Variants in BRD2 observed in about 807,000 individuals in gnomAD.
The protein encoded by BRD2 is bromodomain-containing protein 2.
BRD2 carries 15 observed loss-of-function variants against 79.1 expected under a neutral mutation model. That is an observed-to-expected ratio of 0.19 (90% CI 0.13 to 0.29). The LOEUF (loss-of-function observed/expected upper bound fraction) is 0.29. BRD2 is among the 10% of genes least tolerant of loss of function. BRD2 has a pLI of 1.00. For missense variants in BRD2, 1,053 were observed against 991.3 expected (o/e 1.06, Z -0.84); for synonymous variants, 488 against 358.6 (o/e 1.36, Z -4.08).
Position 32,976,078 on chromosome 6 carries a change from C to T in BRD2, c.519C>T (p.Phe173=), listed in dbSNP as rs1304344584. Residue 173 remains phenylalanine (F), a synonymous_variant, in exon 5 of 13, where the codon TTC becomes TTT. Coordinates refer to ENST00000374825, the MANE Select transcript of BRD2 (RefSeq NM_005104.4). ...TGGCACAAACGCTGGAAAAGATATT[C>T]CTACAGAAGGTTGCATCAATGCCAC... ...VLMAQTLEKI[F]LQKVASMPQE... 3 of 1,612,764 alleles carry T rather than the reference C, an allele frequency of 1.9e-6. No individual in the cohort carries two copies. Among genetic ancestry groups the T allele is most frequent in the Admixed American group, 1.7e-5 (1 of 59,968 alleles).
chr6:32,976,519 T>G, intron 6 of BRD2, 43 bp from the exon 7 acceptor site: 1 of 1,596,784 alleles, frequency 6.3e-7, no homozygotes, highest in African/African-American at 1.3e-5. Flanking sequence ...TTAAGTAAAG[T>G]GGGCTTGGAG....
chr6:32,973,790 T>A (rs1778350463), intron 2 of BRD2, among the ~76,000 whole-genome samples: 1 of 152,036 alleles, frequency 6.6e-6, no homozygotes, highest in Non-Finnish European at 1.5e-5. Flanking sequence ...GTGAGGAGAC[T>A]CTGATTTGGT....
chr6:32,979,043 T>TTTTG (rs140282251), intron 10 of BRD2: 7,263 of 77,460 alleles, frequency 0.094, 281 homozygotes, highest in Middle Eastern at 0.16. Context: ...TGGTTTTGTG[T>TTTTG]TTTGTTTTTT....
At chr6:32,975,600 A>T (rs1778634722) in intron 4 of BRD2, 79 bp downstream of exon 4, 1 of 1,553,784 alleles carries the variant, frequency 6.4e-7, no homozygotes. Flanking sequence ...TGTCTACATA[A>T]AGTTTAAATC....
Position 32,974,702 on chromosome 6 carries a change from G to A in BRD2, c.270G>A (p.Leu90=). The A allele has an allele frequency of 6.2e-7, 1 of 1,614,214 alleles. No homozygotes were observed. The highest frequency in any genetic ancestry group is 8.5e-7 in the Non-Finnish European group (1 of 1,180,042). Residue 90 remains leucine, a synonymous_variant, in exon 3 of 13, where the codon CTG becomes CTA. Coordinates refer to ENST00000374825, the MANE Select transcript of BRD2 (RefSeq NM_005104.4). The part of the protein sequence containing the change: ...QYLHKVVMKA[L]WKHQFAWPFR... ...TACACAAGGTAGTGATGAAGGCTCT[G>A]TGGAAACATCAGTTCGCATGGCCAT...
Position 32,980,328 on chromosome 6 carries a change from ATTTC to A in BRD2, c.2147-9_2147-6del. ...GGGCAATCTTAATGTATCCTGATAA[ATTTC>A]TTTCATTAGCCATTAAGAAGCCTGT... On this transcript the variant is annotated splice_polypyrimidine_tract_variant and intron_variant, in intron 11 of 12. Coordinates refer to ENST00000374825, the MANE Select transcript of BRD2 (RefSeq NM_005104.4). 6.2e-7 allele frequency: 1 copy of A among 1,612,356 alleles called. No individual in the cohort carries two copies. Among genetic ancestry groups the A allele is most frequent in the Non-Finnish European group, 8.5e-7 (1 of 1,179,886 alleles).
intron 11 of BRD2, 73 bp downstream of exon 11, chr6:32,980,205 C>T: frequency 1.3e-6 from 2 of 1,572,344 alleles, no homozygotes; most frequent in Admixed American, 1.8e-5. Context: ...TGTTTGCATT[C>T]AGGATTGTCA....
chr6:32,979,563 G>A (rs1351377122), intron 10 of BRD2: 1 of 455,772 alleles, frequency 2.2e-6, no homozygotes, highest in Admixed American at 3.9e-5. Flanking sequence ...CAACATGTTT[G>A]TGTGTCACAT....
Position 32,975,283 on chromosome 6 carries a change from GGGGTGTGTGT to G in BRD2, c.334-99_334-90del, listed in dbSNP as rs1281703528. 50 of 938,302 alleles carry G rather than the reference GGGGTGTGTGT, an allele frequency of 5.3e-5. 1 individual carries two copies. In the Middle Eastern group the frequency reaches 1.3e-3, roughly 25 times the overall value. The allele number at this position is 938,302 out of a possible 1,614,324, so 58.1% of individuals were successfully genotyped here. A position where few individuals can be genotyped will look rare whatever the true frequency, so the allele number is the denominator to read the frequency against. On this transcript the variant is annotated intron_variant, in intron 3 of 12. Transcript: ENST00000374825. ...GTAACTGTTCCTTTGATGCATAGGG[GGGGTGTGTGT>G]GTGTGTGTGTGTGTGTGAGAGTCGG...
At chr6:32,973,250 T>C (rs1778272472) in intron 2 of BRD2, 3 of 1,187,358 alleles carry the variant, frequency 2.5e-6, no homozygotes, top group African/African-American at 1.5e-5. Flanking sequence ...GTGGGTCTGG[T>C]ATCTAGCGGC....
rs756964549 is a variant in BRD2, at chr6:32,974,507, A to G, written c.75A>G (p.Glu25=). ...CAGGGTTGCTGGGGCTGGGCCCAGA[A>G]GCAGCAGCACCAGGGAAGAGGATTC... ...GNAGLLGLGP[E]AAAPGKRIRK... Residue 25 remains glutamate (E), a synonymous_variant, in exon 3 of 13, where the codon GAA becomes GAG. Coordinates refer to ENST00000374825, the MANE Select transcript of BRD2 (RefSeq NM_005104.4). 6.2e-7 allele frequency: 1 copy of G among 1,613,724 alleles called. No individual in the cohort carries two copies. Among genetic ancestry groups the G allele is most frequent in the Non-Finnish European group, 8.5e-7 (1 of 1,179,598 alleles).
chr6:32,975,147 T>G, intron 3 of BRD2: 2 of 1,491,796 alleles, frequency 1.3e-6, no homozygotes, highest in African/African-American at 1.4e-5. Flanking sequence ...CCAGAGTGGG[T>G]GGGAGGTGGG....
chr6:32,970,775 C>T (rs1204120277), intron 1 of BRD2: 1 of 152,014 alleles, frequency 6.6e-6, no homozygotes, highest in Non-Finnish European at 1.5e-5. Flanking sequence ...TTTAGATAAC[C>T]AAGTTAGGAG....
intron 4 of BRD2, among the ~76,000 whole-genome samples, chr6:32,975,772 C>G (rs1778659848): frequency 6.6e-6 from 1 of 152,170 alleles, no homozygotes; most frequent in African/African-American, 2.4e-5. Context: ...TAGAAATCAC[C>G]AGAGACCTGA....
At position 32,980,330 on chromosome 6, in the gene BRD2, T is replaced by A. The variant is rs773946656; in HGVS notation, c.2147-12T>A. The stretch of plus-strand genomic sequence containing the variant: ...GCAATCTTAATGTATCCTGATAAAT[T>A]TCTTTCATTAGCCATTAAGAAGCCT... On this transcript the variant is annotated splice_polypyrimidine_tract_variant and intron_variant, in intron 11 of 12. Transcript: ENST00000374825. 7.4e-6 allele frequency: 12 copies of A among 1,612,378 alleles called. No individual in the cohort carries two copies. Among genetic ancestry groups the A allele is most frequent in the Non-Finnish European group, 1.0e-5 (12 of 1,179,894 alleles).
In BRD2 at chr6:32,972,753, G is replaced by T; in HGVS notation, c.-146G>T. The stretch of plus-strand genomic sequence containing the variant: ...GCCCCAAAGAGACTGCTTTCGTGCC[G>T]GCCAGGCAGGGGGTTTGTCGCCTGG... On this transcript the variant is annotated 5_prime_UTR_variant, in exon 2 of 13. Transcript: ENST00000374825. 1 of 1,252,896 alleles carries T rather than the reference G, an allele frequency of 8.0e-7. No individual in the cohort carries two copies. Among genetic ancestry groups the T allele is most frequent in the African/African-American group, 1.5e-5 (1 of 68,342 alleles). 77.6% of individuals were successfully genotyped at this position (1,252,896 alleles called of 1,614,324 possible).
chr6:32,979,768 G>GTATGTTATAACATACT lies in BRD2; in HGVS notation c.1842-60_1842-59insTATGTTATAACATACT, dbSNP rs1779287687. The GTATGTTATAACATACT allele has an allele frequency of 5.2e-6, 8 of 1,536,722 alleles. No individual in the cohort carries two copies. The South Asian group carries it at 9.8e-5, about 19-fold the overall frequency. On this transcript the variant is annotated intron_variant, in intron 10 of 12. Transcript: ENST00000374825. Reference sequence around the variant, plus strand: ...AATAGGATCACTGAATTATAACAGTGGGAACATACTGGAAGAGGTTAATGA... The same window carrying GTATGTTATAACATACT: ...AATAGGATCACTGAATTATAACAGTGTATGTTATAACATACTGGAACATACTGGAAGAGGTTAATGA...
At position 32,972,749 on chromosome 6, in the gene BRD2, T is replaced by G; in HGVS notation, c.-150T>G. 8.2e-7 allele frequency: 1 copy of G among 1,218,472 alleles called. No individual in the cohort carries two copies. Among genetic ancestry groups the G allele is most frequent in the South Asian group, 1.3e-5 (1 of 77,938 alleles). The allele number at this position is 1,218,472 out of a possible 1,614,324, so 75.5% of individuals were successfully genotyped here. A position where few individuals can be genotyped will look rare whatever the true frequency, so the allele number is the denominator to read the frequency against. On this transcript the variant is annotated 5_prime_UTR_variant, in exon 2 of 13. Transcript: ENST00000374825. ...AGAGGCCCCAAAGAGACTGCTTTCG[T>G]GCCGGCCAGGCAGGGGGTTTGTCGC...
Position 32,971,836 on chromosome 6 carries a change from T to A in BRD2, c.-1063T>A. The A allele has an allele frequency of 1.5e-6, 1 of 685,364 alleles. No homozygotes were observed. The highest frequency in any genetic ancestry group is 2.5e-4 in the Middle Eastern group (1 of 4,004). 42.5% of individuals were successfully genotyped at this position (685,364 alleles called of 1,614,324 possible). A position where few individuals can be genotyped will look rare whatever the true frequency, so the allele number is the denominator to read the frequency against. ...GGCGGGGAGAGAGTGCTGGAGGCTC[T>A]GGGGCGATGGCTTCCGCACCTCTTC... On this transcript the variant is annotated 5_prime_UTR_variant, in exon 2 of 13. Transcript: ENST00000374825.
Sources: allele counts gnomAD v4.1 joint callset (sites outside exome capture counted in the v4.1 genomes callset), GRCh38; gene constraint gnomAD v4.1.1; transcripts MANE v1.5; gene names NCBI Gene and HGNC (gene_info 2026-07-23, HGNC 2026-07-21).